DPP10: variants seen among roughly 807,000 people sequenced by gnomAD.
The protein encoded by DPP10 is dipeptidyl peptidase like 10, also known as inactive dipeptidyl peptidase 10.
Under a neutral mutation model 120.9 loss-of-function variants are expected in DPP10, and 33 were observed. That is an observed-to-expected ratio of 0.27 (90% CI 0.21 to 0.37). The LOEUF is 0.37. Ranked by LOEUF, DPP10 falls within the 10% of genes least tolerant of loss-of-function variation. DPP10 has a pLI of 1.00. For missense variants in DPP10, 816 were observed against 942.8 expected (o/e 0.87, Z 1.76); for synonymous variants, 337 against 326.1 (o/e 1.03, Z -0.36).
Position 114,633,890 on chromosome 2 carries a change from C to T in DPP10, c.60+191052C>T, listed in dbSNP as rs150769917. On this transcript the variant is annotated intron_variant, in intron 1 of 25. Coordinates refer to ENST00000410059, the MANE Select transcript of DPP10 (RefSeq NM_020868.6). ...TTAGCCTCACAAAGTGCTAGGATTA[C>T]AGTCATGAGCTGCCAAGCCCGGCCT... is the stretch of plus-strand genomic sequence containing the variant. Among the ~76,000 whole-genome samples the T allele has an allele frequency of 5.6e-3, 856 of 151,918 alleles. 38 individuals are homozygous for T. The highest frequency in any genetic ancestry group is 0.02 in the African/African-American group (819 of 41,210).
chr2:114,862,440 A>T (rs7574486), intron 1 of DPP10, among the ~76,000 whole-genome samples: 3 of 152,188 alleles, frequency 2.0e-5, no homozygotes, highest in African/African-American at 7.2e-5. Flanking sequence ...GGAAAAAAAA[A>T]CCCTCCAATC....
At chr2:115,732,739 A>G (rs1267621973) in intron 8 of DPP10, among the ~76,000 whole-genome samples, 1 of 152,186 alleles carries the variant, frequency 6.6e-6, no homozygotes, top group Admixed American at 6.5e-5. Context: ...ATATTTAAGC[A>G]TATAGAATAA....
At chr2:115,278,382 A>G (rs1010163550) in intron 1 of DPP10, among the ~76,000 whole-genome samples, 1 of 152,048 alleles carries the variant, frequency 6.6e-6, no homozygotes, top group African/African-American at 2.4e-5. Context: ...TTCACCAGTA[A>G]TTTGCCTTTT....
At chr2:114,985,150 T>G (rs1181457338) in intron 1 of DPP10, among the ~76,000 whole-genome samples, 1 of 152,180 alleles carries the variant, frequency 6.6e-6, no homozygotes, top group Non-Finnish European at 1.5e-5. Context: ...CCCATCATGC[T>G]TACTTATTTC....
At chr2:114,985,317 C>G (rs1487437862) in intron 1 of DPP10, among the ~76,000 whole-genome samples, 1 of 152,098 alleles carries the variant, frequency 6.6e-6, no homozygotes, top group Non-Finnish European at 1.5e-5. Flanking sequence ...TTTAGAGAAA[C>G]CTTGCTGATC....
rs895135467 is a variant in DPP10 at position 114,621,377 on chromosome 2, T to C, written c.60+178539T>C. ...TTCTTGCACTGTGCTAATATGCCTT[T>C]TATCTACACTATGTTATTTAATTCT... On this transcript the variant is annotated intron_variant, in intron 1 of 25. Transcript: ENST00000410059. 2.6e-5 allele frequency among the ~76,000 whole-genome samples: 4 copies of C among 151,634 alleles called. No homozygotes were observed. The East Asian group carries it at 7.8e-4, about 29-fold the overall frequency.
intron 5 of DPP10, among the ~76,000 whole-genome samples, chr2:115,567,708 G>A (rs1018506948): frequency 1.3e-5 from 2 of 152,038 alleles, no homozygotes; most frequent in African/African-American, 2.4e-5. Context: ...GGAAAATGTC[G>A]AGACATTCAT....
intron 24 of DPP10, 125 bp downstream of exon 24, chr2:115,836,871 G>T (rs942633405): frequency 5.2e-6 from 4 of 763,380 alleles, no homozygotes; most frequent in Non-Finnish European, 8.3e-6. Flanking sequence ...GTCACACAAA[G>T]AATCAGATAC....
intron 24 of DPP10, among the ~76,000 whole-genome samples, chr2:115,840,311 G>GTT (rs1396102493): frequency 0.039 from 1,299 of 33,160 alleles, 55 homozygotes; most frequent in African/African-American, 0.11. Flanking sequence ...CAGATATAAG[G>GTT]TTTTTTGGTT....
intron 5 of DPP10, among the ~76,000 whole-genome samples, chr2:115,545,473 T>C (rs566501670): frequency 6.6e-6 from 1 of 152,226 alleles, no homozygotes. Context: ...AAAACTGTTA[T>C]GAAGATTGGG....
chr2:115,484,289 A>T (rs1323756819), intron 3 of DPP10, among the ~76,000 whole-genome samples: 1 of 152,010 alleles, frequency 6.6e-6, no homozygotes, highest in Non-Finnish European at 1.5e-5. Context: ...CCATAAATAA[A>T]CATAGTTATT....
At chr2:114,574,795 G>A (rs1573694785) in intron 1 of DPP10, among the ~76,000 whole-genome samples, 1 of 152,314 alleles carries the variant, frequency 6.6e-6, no homozygotes. Context: ...AAACATTGGA[G>A]GGAGGCAGTG....
At chr2:115,618,492 A>T (rs1389121627) in intron 5 of DPP10, among the ~76,000 whole-genome samples, 2 of 152,182 alleles carry the variant, frequency 1.3e-5, no homozygotes, top group African/African-American at 4.8e-5. Flanking sequence ...GGAGTGAACA[A>T]TTTGGCACTT....
intron 3 of DPP10, among the ~76,000 whole-genome samples, chr2:115,438,352 TAAAG>T (rs1334382814): frequency 6.6e-6 from 1 of 152,062 alleles, no homozygotes. Context: ...AACTACATGA[TAAAG>T]AAATGCCACT....
intron 1 of DPP10, among the ~76,000 whole-genome samples, chr2:115,136,800 A>G (rs527994849): frequency 1.6e-4 from 25 of 152,360 alleles, no homozygotes; most frequent in African/African-American, 6.0e-4. Flanking sequence ...GGTTGACCCA[A>G]GTCATAATAT....
At chr2:115,663,543 A>AG (rs2089187211) in intron 5 of DPP10, among the ~76,000 whole-genome samples, 1 of 152,198 alleles carries the variant, frequency 6.6e-6, no homozygotes. Flanking sequence ...TGCTTAGCAA[A>AG]GGCTCAGTGG....
chr2:115,141,018 C>T (rs911598802), intron 1 of DPP10, among the ~76,000 whole-genome samples: 11 of 151,756 alleles, frequency 7.2e-5, no homozygotes, highest in Non-Finnish European at 1.3e-4. Context: ...TGTGAATTTC[C>T]TCCAGTGGAT....
intron 3 of DPP10, among the ~76,000 whole-genome samples, chr2:115,475,567 G>T (rs1359678668): frequency 1.3e-5 from 2 of 152,194 alleles, no homozygotes; most frequent in African/African-American, 4.8e-5. Context: ...GGACTGTCTA[G>T]TGGAGCTGTG....
At chr2:114,618,976 T>C (rs1693879868) in intron 1 of DPP10, among the ~76,000 whole-genome samples, 1 of 151,926 alleles carries the variant, frequency 6.6e-6, no homozygotes, top group African/African-American at 2.4e-5. Context: ...CTGGACATTA[T>C]CAGGAATTGC....
Sources: gnomAD v4.1 joint callset for allele counts (sites outside exome capture counted in the v4.1 genomes callset) on GRCh38, gnomAD v4.1.1 for gene constraint, MANE v1.5 for transcripts, NCBI Gene and HGNC (gene_info 2026-07-23, HGNC 2026-07-21) for gene names.